Variants in SCLT1 observed in about 807,000 individuals in gnomAD.
SCLT1 encodes the protein sodium channel and clathrin linker 1.
In SCLT1, 78 loss-of-function variants were observed where a neutral mutation model predicts 112.8. The ratio of observed to expected loss-of-function variants is 0.69; its 90% CI spans 0.58 to 0.83. SCLT1 has a LOEUF of 0.83. Among genes scored for constraint, SCLT1 ranks in the 40% least tolerant of loss-of-function variants. The pLI is 0.00. For synonymous variants in SCLT1, 257 were observed against 254.7 expected (o/e 1.01, Z -0.09); for missense variants, 747 against 770.4 (o/e 0.97, Z 0.36).
intron 7 of SCLT1, 52 bp from the exon 8 acceptor site, chr4:128,997,991 C>A: frequency 3.4e-6 from 3 of 870,386 alleles, no homozygotes; most frequent in South Asian, 3.1e-5. Flanking sequence ...TTGTTTATAA[C>A]CCATATTTAA....
At chr4:129,010,439 T>A (rs1010386779) in intron 5 of SCLT1, among the ~76,000 whole-genome samples, 1 of 152,216 alleles carries the variant, frequency 6.6e-6, no homozygotes, top group Non-Finnish European at 1.5e-5. Flanking sequence ...TAGTTTTTTC[T>A]AGTTCTGTGA....
intron 2 of SCLT1, among the ~76,000 whole-genome samples, chr4:129,073,526 C>T (rs1025481049): frequency 1.3e-5 from 2 of 152,084 alleles, no homozygotes; most frequent in African/African-American, 4.8e-5. Context: ...ATCTACCCAT[C>T]ATTTATATGG....
rs190230719 is a variant in SCLT1 at position 128,948,469 on chromosome 4, G to A, written c.1293+27C>T. 3 of 1,598,982 alleles carry A rather than the reference G, an allele frequency of 1.9e-6. No individual in the cohort carries two copies. In the African/African-American group the frequency reaches 4.0e-5, roughly 21 times the overall value. ...TTGCATATTTGCAGTTGGGTTTTAG[G>A]TAGTTATATTTCCTTTTTCTTTTTA... is the stretch of plus-strand genomic sequence containing the variant. On this transcript the variant is annotated intron_variant, in intron 15 of 20. Coordinates refer to ENST00000281142, the MANE Select transcript of SCLT1 (RefSeq NM_144643.4).
At position 129,043,991 on chromosome 4, in the gene SCLT1, A is replaced by T. The variant is rs552992180; in HGVS notation, c.161+2T>A. 1.4e-6 allele frequency: 2 copies of T among 1,432,234 alleles called. No homozygotes were observed. Among genetic ancestry groups the T allele is most frequent in the South Asian group, 1.2e-5 (1 of 84,098 alleles). 88.7% of individuals were successfully genotyped at this position (1,432,234 alleles called of 1,614,324 possible). ...AATGATATTATTCTGGTAATACTTT[A>T]CCTTTGGTCAAATACTAGGTTTTCA... On this transcript the variant is annotated splice_donor_variant, in intron 3 of 20. Transcript: ENST00000281142. LOFTEE classifies it high-confidence loss of function.
At chr4:128,958,390 C>A (rs980986569) in intron 12 of SCLT1, among the ~76,000 whole-genome samples, 56 of 152,088 alleles carry the variant, frequency 3.7e-4, no homozygotes, top group Non-Finnish European at 6.9e-4. Context: ...TTTGAACAAG[C>A]AACTGAAGAT....
intron 9 of SCLT1, among the ~76,000 whole-genome samples, chr4:128,988,927 T>C (rs974006772): frequency 6.6e-6 from 1 of 151,922 alleles, no homozygotes; most frequent in African/African-American, 2.4e-5. Context: ...CACAAGAGGA[T>C]ATAAGAATTG....
At chr4:128,891,841 C>T (rs972364855) in intron 18 of SCLT1, among the ~76,000 whole-genome samples, 32 of 151,986 alleles carry the variant, frequency 2.1e-4, no homozygotes, top group South Asian at 6.2e-4. Context: ...GACGGGGTTT[C>T]ACCATGTTGC....
chr4:128,976,891 C>T (rs1288845998), intron 9 of SCLT1, among the ~76,000 whole-genome samples: 1 of 152,074 alleles, frequency 6.6e-6, no homozygotes, highest in African/African-American at 2.4e-5. Flanking sequence ...ACTGTAAAGG[C>T]CATGGGGACT....
downstream of SCLT1, among the ~76,000 whole-genome samples, chr4:128,883,163 A>C (rs577189783): frequency 4.4e-3 from 657 of 150,754 alleles, 3 homozygotes; most frequent in African/African-American, 0.011. Context: ...ACAACAAAAA[A>C]AAAAAAAAAA....
chr4:128,903,369 T>C (rs1358542727), intron 18 of SCLT1, among the ~76,000 whole-genome samples: 1 of 152,186 alleles, frequency 6.6e-6, no homozygotes, highest in East Asian at 1.9e-4. Context: ...TGGTCCATCG[T>C]TGACCAAAAT....
chr4:128,880,048 A>G (rs184133152), downstream of SCLT1, among the ~76,000 whole-genome samples: 4 of 152,346 alleles, frequency 2.6e-5, no homozygotes, highest in East Asian at 7.7e-4. Context: ...TGGATTTACT[A>G]AGAAGGCTAA....
intron 20 of SCLT1, among the ~76,000 whole-genome samples, chr4:128,885,714 T>C (rs1310482305): frequency 1.3e-5 from 2 of 152,220 alleles, no homozygotes; most frequent in Non-Finnish European, 2.9e-5. Flanking sequence ...TTTACAGTTT[T>C]TGAAAGATAC....
chr4:128,974,543 T>A (rs1740977472), intron 9 of SCLT1, among the ~76,000 whole-genome samples: 2 of 152,140 alleles, frequency 1.3e-5, no homozygotes, highest in Non-Finnish European at 2.9e-5. Flanking sequence ...AGGGTGCCTA[T>A]CCTGAATGTG....
Position 128,884,461 on chromosome 4 carries a change from T to A in SCLT1, c.*16A>T. On this transcript the variant is annotated 3_prime_UTR_variant, in exon 21 of 21. Coordinates refer to ENST00000281142, the MANE Select transcript of SCLT1 (RefSeq NM_144643.4). ...TTTCCCAACTCTAAAGTTCTGTGAG[T>A]GAACTATGAATATTTTTAAATATTT... 3 of 1,530,216 alleles carry A rather than the reference T, an allele frequency of 2.0e-6. No individual in the cohort carries two copies. The highest frequency in any genetic ancestry group is 2.7e-6 in the Non-Finnish European group (3 of 1,105,774). 94.8% of individuals were successfully genotyped at this position (1,530,216 alleles called of 1,614,324 possible).
intron 5 of SCLT1, 42 bp from the exon 6 acceptor site, chr4:129,003,918 C>T (rs561496633): frequency 2.9e-5 from 46 of 1,582,914 alleles, no homozygotes; most frequent in Admixed American, 1.2e-4. Flanking sequence ...AAGTCATTTT[C>T]GTAACAGTAA....
intron 4 of SCLT1, chr4:128,874,820 T>C (rs576743891): frequency 5.0e-4 from 77 of 152,672 alleles, no homozygotes; most frequent in Non-Finnish European, 5.6e-4. Flanking sequence ...TGTAGGCTAG[T>C]TAAACTTTTG....
chr4:128,949,164 C>T (rs1367924435), intron 14 of SCLT1, among the ~76,000 whole-genome samples: 3 of 148,010 alleles, frequency 2.0e-5, no homozygotes, highest in Non-Finnish European at 4.5e-5. Context: ...TAGTTCTTCA[C>T]AATTATTTGT....
intron 9 of SCLT1, among the ~76,000 whole-genome samples, chr4:128,972,667 A>G (rs1740791867): frequency 6.6e-6 from 1 of 152,144 alleles, no homozygotes; most frequent in Non-Finnish European, 1.5e-5. Flanking sequence ...GCCTGAGTCT[A>G]TTTCTAAGTT....
chr4:129,069,797 G>A (rs757368669), intron 2 of SCLT1, among the ~76,000 whole-genome samples: 27 of 152,080 alleles, frequency 1.8e-4, no homozygotes, highest in Admixed American at 3.3e-4. Context: ...TGATGTTGAA[G>A]AGGAGTGGTA....
Sources: gnomAD v4.1 joint callset for allele counts (sites outside exome capture counted in the v4.1 genomes callset) on GRCh38, gnomAD v4.1.1 for gene constraint, MANE v1.5 for transcripts, NCBI Gene and HGNC (gene_info 2026-07-23, HGNC 2026-07-21) for gene names.